Variants in PEX5L observed in about 807,000 individuals in gnomAD.
PEX5L encodes PEX5-related protein.
PEX5L carries 30 observed loss-of-function variants against 84.0 expected under a neutral mutation model. That is an observed-to-expected ratio of 0.36 (90% CI 0.27 to 0.48). The LOEUF is 0.48. Ranked by LOEUF, PEX5L falls within the 20% of genes least tolerant of loss-of-function variation. The probability of loss-of-function intolerance (pLI) is 0.99; values close to 1 mark genes in which losing one functional copy is unlikely to be tolerated. For synonymous variants in PEX5L, 270 were observed against 283.1 expected (o/e 0.95, Z 0.46); for missense variants, 533 against 754.6 (o/e 0.71, Z 3.44).
chr3:179,966,598 A>G (rs1783404134), intron 2 of PEX5L, among the ~76,000 whole-genome samples: 2 of 152,062 alleles, frequency 1.3e-5, no homozygotes, highest in African/African-American at 4.8e-5. Flanking sequence ...CTTCTCCGTT[A>G]ATCTGTTTTT....
chr3:179,974,226 G>A (rs1785465294), intron 1 of PEX5L: 10 of 983,328 alleles, frequency 1.0e-5, no homozygotes, highest in Non-Finnish European at 1.1e-5. Context: ...GAACTAGAAG[G>A]AAAAAGAAAG....
At chr3:179,948,725 A>T (rs1443081525) in intron 2 of PEX5L, among the ~76,000 whole-genome samples, 1 of 152,236 alleles carries the variant, frequency 6.6e-6, no homozygotes, top group Non-Finnish European at 1.5e-5. Flanking sequence ...CTGAAAAAAC[A>T]AAGTACTAGA....
Position 179,806,125 on chromosome 3 carries a change from TA to T in PEX5L, c.1676+1548del, listed in dbSNP as rs576470865. On this transcript the variant is annotated intron_variant, in intron 14 of 14. Coordinates refer to ENST00000467460, the MANE Select transcript of PEX5L (RefSeq NM_016559.3). ...ATTTTGTTTTACATCTCCCTTGTTC[TA>T]AAAAAAAAGGAATCTAAGGTGTCTC... 1.0e-4 allele frequency among the ~76,000 whole-genome samples: 15 copies of T among 149,764 alleles called. 1 individual carries two copies. Among genetic ancestry groups the T allele is most frequent in the South Asian group, 6.3e-4 (3 of 4,754 alleles).
At chr3:179,863,804 T>C (rs1747126470) in intron 7 of PEX5L, among the ~76,000 whole-genome samples, 1 of 152,126 alleles carries the variant, frequency 6.6e-6, no homozygotes, top group Admixed American at 6.6e-5. Context: ...AGCTACCACA[T>C]GATCCAGCAA....
rs921947769 is a variant in PEX5L at position 179,925,268 on chromosome 3, A to G, written c.94-27022T>C. ...TAGCGTTCAAAAATTTTAAAAAGGC[A>G]TCCAGTAGAAAATCTTCCTCACGCC... On this transcript the variant is annotated intron_variant, in intron 2 of 14. Transcript: ENST00000467460. Among the ~76,000 whole-genome samples the G allele has an allele frequency of 7.2e-5, 11 of 152,346 alleles. No homozygotes were observed. In the South Asian group the frequency reaches 2.3e-3, roughly 32 times the overall value.
At chr3:179,832,549 C>T (rs1733493095) in intron 8 of PEX5L, among the ~76,000 whole-genome samples, 1 of 144,694 alleles carries the variant, frequency 6.9e-6, no homozygotes, top group Admixed American at 6.9e-5. Flanking sequence ...TTTACTTACA[C>T]ACCTACTCAC....
intron 8 of PEX5L, among the ~76,000 whole-genome samples, chr3:179,846,517 A>G (rs1739422410): frequency 6.6e-6 from 1 of 152,126 alleles, no homozygotes; most frequent in Admixed American, 6.5e-5. Context: ...GGTTAACTTT[A>G]TGTGTCAACT....
At chr3:179,997,894 C>T (rs974967041) in intron 1 of PEX5L, among the ~76,000 whole-genome samples, 4 of 152,210 alleles carry the variant, frequency 2.6e-5, no homozygotes, top group African/African-American at 9.7e-5. Flanking sequence ...CTTTATTGTC[C>T]TACCTCAGGG....
intron 14 of PEX5L, among the ~76,000 whole-genome samples, chr3:179,803,287 A>C (rs1719843752): frequency 6.6e-6 from 1 of 152,250 alleles, no homozygotes. Flanking sequence ...AATATTATTT[A>C]TGATAACATG....
intron 4 of PEX5L, among the ~76,000 whole-genome samples, chr3:179,882,093 A>T (rs1311653857): frequency 6.6e-6 from 1 of 152,220 alleles, no homozygotes; most frequent in African/African-American, 2.4e-5. Flanking sequence ...GCCCAATGTG[A>T]TGTCCTTATA....
chr3:179,951,472 A>C (rs1399692368), intron 2 of PEX5L, among the ~76,000 whole-genome samples: 1 of 152,190 alleles, frequency 6.6e-6, no homozygotes, highest in Non-Finnish European at 1.5e-5. Flanking sequence ...CTTAAAAAAA[A>C]AGAAAAAAAG....
intron 2 of PEX5L, among the ~76,000 whole-genome samples, chr3:179,916,878 C>G (rs945524035): frequency 2.0e-5 from 3 of 151,774 alleles, no homozygotes; most frequent in Admixed American, 2.0e-4. Context: ...CCATGTTGGC[C>G]AGGCTGGTCT....
At chr3:179,859,258 C>T (rs1745160848) in intron 7 of PEX5L, 101 bp from the exon 8 acceptor site, 2 of 831,748 alleles carry the variant, frequency 2.4e-6, no homozygotes, top group East Asian at 2.6e-5. Flanking sequence ...CCCTAGAGTT[C>T]AAGAATCATC....
At position 179,817,662 on chromosome 3, in the gene PEX5L, T is replaced by C. The variant is rs1463510221; in HGVS notation, c.940-1658A>G. Among the ~76,000 whole-genome samples the C allele has an allele frequency of 2.0e-5, 3 of 152,366 alleles. No homozygotes were observed. The South Asian group carries it at 6.2e-4, about 32-fold the overall frequency. On this transcript the variant is annotated intron_variant, in intron 9 of 14. Coordinates refer to ENST00000467460, the MANE Select transcript of PEX5L (RefSeq NM_016559.3). ...GTTATTTGTTGCAATTTTACTTGCA[T>C]AGATTGTCATAAAATCTTTTAAATT...
intron 7 of PEX5L, among the ~76,000 whole-genome samples, chr3:179,861,332 T>C (rs915754877): frequency 1.3e-5 from 2 of 152,220 alleles, no homozygotes; most frequent in Non-Finnish European, 2.9e-5. Context: ...GAGGAAGTTA[T>C]AGGAGACTGA....
chr3:179,938,092 T>C (rs1185481746), intron 2 of PEX5L, among the ~76,000 whole-genome samples: 1 of 151,994 alleles, frequency 6.6e-6, no homozygotes, highest in African/African-American at 2.4e-5. Flanking sequence ...GAAGGCATAC[T>C]AAATATTATA....
At chr3:179,842,588 C>T (rs545504965) in intron 8 of PEX5L, among the ~76,000 whole-genome samples, 4 of 151,822 alleles carry the variant, frequency 2.6e-5, no homozygotes, top group Non-Finnish European at 4.4e-5. Context: ...TGAGCATCTA[C>T]CCAGAATATG....
At chr3:179,910,071 A>T (rs1764652134) in intron 2 of PEX5L, among the ~76,000 whole-genome samples, 1 of 152,256 alleles carries the variant, frequency 6.6e-6, no homozygotes, top group Non-Finnish European at 1.5e-5. Context: ...AAAATCCAGA[A>T]AGAATTCACT....
rs1791955388 is a variant in PEX5L, at chr3:180,036,900, AACTC to A, written c.-305_-302del. 2 of 471,978 alleles carry A rather than the reference AACTC, an allele frequency of 4.2e-6. No individual in the cohort carries two copies. The highest frequency in any genetic ancestry group is 6.4e-5 in the Admixed American group (2 of 31,064). 29.2% of individuals were successfully genotyped at this position (471,978 alleles called of 1,614,324 possible). On this transcript the variant is annotated 5_prime_UTR_variant, in exon 1 of 15. Transcript: ENST00000467460. ...GGTCCTGCTCGCGGGGCGTCTCTAG[AACTC>A]ACTCCTTCTTCGCCGAACTCTTTCT...
Sources: gnomAD v4.1 joint callset for allele counts (sites outside exome capture counted in the v4.1 genomes callset) on GRCh38, gnomAD v4.1.1 for gene constraint, MANE v1.5 for transcripts, NCBI Gene and HGNC (gene_info 2026-07-23, HGNC 2026-07-21) for gene names.